The following SAXO2 variants were observed in gnomAD, a reference collection of about 807,000 sequenced individuals.
The protein encoded by SAXO2 is family with sequence similarity 154, member B.
A neutral mutation model predicts 18.7 loss-of-function variants in SAXO2; 17 were observed. The observed-to-expected ratio is 0.91, with a 90% CI of 0.62 to 1.36. The LOEUF is 1.36. SAXO2 is among the 40% of genes most tolerant of loss of function. SAXO2 has a pLI of 0.00. For missense variants in SAXO2, 486 were observed against 562.6 expected (o/e 0.86, Z 1.38); for synonymous variants, 163 against 181.2 (o/e 0.90, Z 0.81).
At chr15:82,266,676 A>C (rs1272649676) in intron 2 of SAXO2, among the ~76,000 whole-genome samples, 1 of 152,150 alleles carries the variant, frequency 6.6e-6, no homozygotes, top group Non-Finnish European at 1.5e-5. Flanking sequence ...GATCTCAACT[A>C]AATTATCACT....
In SAXO2 at chr15:82,282,498, G is replaced by A. The variant is rs745509403; in HGVS notation, c.813G>A (p.Leu271=). ...PVHTRVTQNA[L]FEGSTEFRES... is the part of the protein sequence containing the mutation. ...ACACCAGAGTGACCCAGAATGCTCT[G>A]TTTGAAGGAAGCACTGAATTCCGTG... The change falls in exon 4 of 4, where the codon CTG becomes CTA. Residue 271 remains leucine, a synonymous_variant. Coordinates refer to ENST00000682753, the MANE Select transcript of SAXO2 (RefSeq NM_001348699.2). 164 of 1,614,068 alleles carry A rather than the reference G, an allele frequency of 1.0e-4. No homozygotes were observed. Among genetic ancestry groups the A allele is most frequent in the Non-Finnish European group, 1.3e-4 (153 of 1,180,038 alleles).
intron 3 of SAXO2, among the ~76,000 whole-genome samples, chr15:82,279,229 CTTCT>C (rs546931273): frequency 9.3e-4 from 142 of 152,232 alleles, no homozygotes; most frequent in Admixed American, 3.2e-3. Context: ...ATTGTGGCCT[CTTCT>C]TTTTTCTTTT....
At chr15:82,279,778 A>G (rs1738623639) in intron 3 of SAXO2, among the ~76,000 whole-genome samples, 1 of 152,210 alleles carries the variant, frequency 6.6e-6, no homozygotes, top group Admixed American at 6.5e-5. Context: ...AGCATAAGCA[A>G]CTCAAGACTT....
chr15:82,278,603 A>G (rs191424786), intron 3 of SAXO2, among the ~76,000 whole-genome samples: 11 of 152,342 alleles, frequency 7.2e-5, no homozygotes, highest in African/African-American at 2.4e-4. Flanking sequence ...AACAGAATAT[A>G]CATTCTTTTC....
intron 3 of SAXO2, among the ~76,000 whole-genome samples, chr15:82,274,116 C>A (rs2075295221): frequency 6.6e-6 from 1 of 151,978 alleles, no homozygotes; most frequent in Admixed American, 6.6e-5. Flanking sequence ...GTCCCCGATG[C>A]TGGGAACATG....
rs138112776 is a variant in SAXO2, at chr15:82,271,716, C to T, written c.347C>T (p.Ser116Leu). 97 of 1,613,902 alleles carry T rather than the reference C, an allele frequency of 6.0e-5. No individual in the cohort carries two copies. The African/African-American group carries it at 6.9e-4, about 12-fold the overall frequency. Residue 116 changes from serine to leucine, a missense_variant, in exon 3 of 4, where the codon TCG becomes TTG. Physicochemically the swap from Ser to Leu is moderately radical, Grantham distance 145. Coordinates refer to ENST00000682753, the MANE Select transcript of SAXO2 (RefSeq NM_001348699.2). ...ACTACCTACAAACGGGATTTGAATT[C>T]GTATAAAGTGCAGCCTGTGGCAATA... ...LGTTYKRDLN[S>L]YKVQPVAIVR...
intron 1 of SAXO2, chr15:82,264,608 T>C: frequency 2.8e-6 from 2 of 701,972 alleles, no homozygotes; most frequent in Non-Finnish European, 5.2e-6. Flanking sequence ...AGTATATATA[T>C]AGTTCACTTG....
At position 82,282,390 on chromosome 15, in the gene SAXO2, C is replaced by T. The variant is rs2075370443; in HGVS notation, c.705C>T (p.Asp235=). ...CAAAAGAAGTTTACAAACCAACTGA[C>T]CAACGCTTTGAGGATCTCACAACTC... The part of the protein sequence containing the change: ...ERPKEVYKPT[D]QRFEDLTTHR... The change falls in exon 4 of 4, where the codon GAC becomes GAT. Residue 235 remains aspartate (D), a synonymous_variant. Coordinates refer to ENST00000682753, the MANE Select transcript of SAXO2 (RefSeq NM_001348699.2). The T allele has an allele frequency of 1.2e-6, 2 of 1,614,124 alleles. No individual in the cohort carries two copies. Among genetic ancestry groups the T allele is most frequent in the Admixed American group, 1.7e-5 (1 of 60,012 alleles).
intron 3 of SAXO2, among the ~76,000 whole-genome samples, chr15:82,276,654 C>T (rs2075317911): frequency 6.6e-6 from 1 of 152,046 alleles, no homozygotes. Flanking sequence ...ACTGGCTAAC[C>T]ATATGCAGAA....
At position 82,265,591 on chromosome 15, in the gene SAXO2, A is replaced by G; in HGVS notation, c.76A>G (p.Thr26Ala). 7.2e-7 allele frequency: 1 copy of G among 1,390,926 alleles called. No homozygotes were observed. The highest frequency in any genetic ancestry group is 2.8e-5 in the East Asian group (1 of 35,576). The allele number at this position is 1,390,926 out of a possible 1,614,324, so 86.2% of individuals were successfully genotyped here. The change falls in exon 2 of 4, where the codon ACC becomes GCC. Residue 26 changes from threonine to alanine, a missense_variant. Physicochemically the swap from Thr to Ala is moderately conservative, Grantham distance 58. Transcript: ENST00000682753. ...CAGGCGACATCATTGTCCACGTGGA[A>G]CCACAAGGATTTATGAAAATTCTGG... Reference protein sequence around the residue: ...SCGRHHCPRGTTRIYENSGVF... With the variant: ...SCGRHHCPRGATRIYENSGVF...
intron 1 of SAXO2, 84 bp downstream of exon 1, chr15:82,263,016 C>A (rs1479520947): frequency 1.3e-6 from 2 of 1,547,032 alleles, no homozygotes; most frequent in East Asian, 4.9e-5. Flanking sequence ...CCTCGGGAAC[C>A]CTGAGAGTGG....
Position 82,283,139 on chromosome 15 carries a change from A to C in SAXO2, c.*77A>C. ...GAGAAAACTCAATTTTTATAGTTAA[A>C]AAATTTATGATATAATAAATCATTT... is the stretch of plus-strand genomic sequence containing the variant. On this transcript the variant is annotated 3_prime_UTR_variant, in exon 4 of 4. Transcript: ENST00000682753. The C allele has an allele frequency of 1.1e-6, 1 of 933,994 alleles. No homozygotes were observed. The highest frequency in any genetic ancestry group is 1.5e-6 in the Non-Finnish European group (1 of 688,426). The allele number at this position is 933,994 out of a possible 1,614,324, so 57.9% of individuals were successfully genotyped here. A position where few individuals can be genotyped will look rare whatever the true frequency, so the allele number is the denominator to read the frequency against.
At position 82,282,321 on chromosome 15, in the gene SAXO2, C is replaced by T; in HGVS notation, c.636C>T (p.Arg212=). 2 of 1,614,132 alleles carry T rather than the reference C, an allele frequency of 1.2e-6. No individual in the cohort carries two copies. The highest frequency in any genetic ancestry group is 1.7e-5 in the Admixed American group (1 of 60,014). ...TAPFNGITSH[R]LDYIPHQLEL... is the part of the protein sequence containing the mutation. ...CTTTTAATGGTATTACAAGTCATCG[C>T]CTTGATTATATACCTCATCAGCTTG... Residue 212 remains arginine (R), a synonymous_variant, in exon 4 of 4, where the codon CGC becomes CGT. Coordinates refer to ENST00000682753, the MANE Select transcript of SAXO2 (RefSeq NM_001348699.2).
At chr15:82,276,105 A>G (rs2075312619) in intron 3 of SAXO2, among the ~76,000 whole-genome samples, 1 of 152,150 alleles carries the variant, frequency 6.6e-6, no homozygotes, top group Non-Finnish European at 1.5e-5. Context: ...TACACCAATA[A>G]TCTTCAAGCT....
At chr15:82,269,810 A>C (rs145095547) in intron 2 of SAXO2, among the ~76,000 whole-genome samples, 4 of 152,296 alleles carry the variant, frequency 2.6e-5, no homozygotes, top group African/African-American at 9.6e-5. Context: ...TGGTGGTGGC[A>C]GATGTGGAGA....
At chr15:82,274,952 C>A (rs1018563260) in intron 3 of SAXO2, among the ~76,000 whole-genome samples, 7 of 151,656 alleles carry the variant, frequency 4.6e-5, no homozygotes, top group African/African-American at 1.5e-4. Flanking sequence ...GAAATTGAGA[C>A]CCTCAAAACC....
intron 3 of SAXO2, among the ~76,000 whole-genome samples, chr15:82,280,800 T>C (rs745767934): frequency 2.4e-4 from 36 of 152,338 alleles, no homozygotes; most frequent in Non-Finnish European, 2.4e-4. Context: ...TCACTCATTA[T>C]TTTCAATTTT....
At chr15:82,278,755 T>A (rs545770435) in intron 3 of SAXO2, among the ~76,000 whole-genome samples, 1 of 152,148 alleles carries the variant, frequency 6.6e-6, no homozygotes, top group African/African-American at 2.4e-5. Context: ...TAGAAAAAAA[T>A]GTGGAAAATC....
chr15:82,282,143 A>G lies in SAXO2; in HGVS notation c.458A>G (p.His153Arg). The change falls in exon 4 of 4, where the codon CAT (histidine) becomes CGT (arginine). Residue 153 changes from histidine to arginine, a missense_variant. By Grantham distance (29) the His-to-Arg change is conservative (BLOSUM62 0). Transcript: ENST00000682753. ...YKDDYRAWDL[H>R]KSELYKPEQT... ...GACGATTATAGAGCTTGGGACCTTC[A>G]TAAAAGTGAACTTTATAAGCCAGAA... is the stretch of plus-strand genomic sequence containing the variant. 1 of 1,612,394 alleles carries G rather than the reference A, an allele frequency of 6.2e-7. No individual in the cohort carries two copies. Among genetic ancestry groups the G allele is most frequent in the Non-Finnish European group, 8.5e-7 (1 of 1,179,424 alleles).
Sources: gnomAD v4.1 joint callset for allele counts (sites outside exome capture counted in the v4.1 genomes callset) on GRCh38, gnomAD v4.1.1 for gene constraint, MANE v1.5 for transcripts, NCBI Gene and HGNC (gene_info 2026-07-23, HGNC 2026-07-21) for gene names.